WWP2: variants seen among roughly 807,000 people sequenced by gnomAD.
WWP2 encodes the protein WW domain containing E3 ubiquitin protein ligase 2, also known as NEDD4-like E3 ubiquitin-protein ligase WWP2.
WWP2 carries 57 observed loss-of-function variants against 121.0 expected under a neutral mutation model. The ratio of observed to expected loss-of-function variants is 0.47; its 90% CI spans 0.38 to 0.59. WWP2 has a LOEUF of 0.59. Ranked by LOEUF, WWP2 falls within the 20% of genes least tolerant of loss-of-function variation. The pLI is 0.00. For missense variants in WWP2, 962 were observed against 1,158.9 expected (o/e 0.83, Z 2.47); for synonymous variants, 449 against 441.3 (o/e 1.02, Z -0.22).
At chr16:69,814,478 C>T (rs568358635) in intron 4 of WWP2, among the ~76,000 whole-genome samples, 2 of 152,184 alleles carry the variant, frequency 1.3e-5, no homozygotes, top group African/African-American at 2.4e-5. Flanking sequence ...TCCTTCACAT[C>T]TGTAATGCAC....
Position 69,871,892 on chromosome 16 carries a change from G to A in WWP2, c.664G>A (p.Val222Ile), listed in dbSNP as rs755244675. 27 of 1,613,936 alleles carry A rather than the reference G, an allele frequency of 1.7e-5. No individual in the cohort carries two copies. The highest frequency in any genetic ancestry group is 2.2e-5 in the Non-Finnish European group (26 of 1,180,024). Residue 222 changes from valine to isoleucine, a missense_variant, in exon 7 of 24, where the codon GTC (valine) becomes ATC (isoleucine). Physicochemically the swap from Val to Ile is conservative, Grantham distance 29. This residue lies in a region of WWP2 where 211 missense variants were observed against 196.5 expected (regional missense o/e 1.07). Coordinates refer to ENST00000359154, the MANE Select transcript of WWP2 (RefSeq NM_001270454.2). ...TGCTCGGAGCCGGCACCGCCAGCCC[G>A]TCAAGAACTCAGGCCACAGTGGCTT... ...PGARSRHRQPVKNSGHSGLAN... is the reference protein window; with the variant it reads ...PGARSRHRQPIKNSGHSGLAN...
At chr16:69,772,936 G>A (rs1014019099) in intron 1 of WWP2, among the ~76,000 whole-genome samples, 5 of 151,994 alleles carry the variant, frequency 3.3e-5, no homozygotes, top group Non-Finnish European at 7.4e-5. Flanking sequence ...TGCTGTTTCC[G>A]TTGTGTTTTT....
At chr16:69,934,380 A>G (rs2058764622) in intron 17 of WWP2, among the ~76,000 whole-genome samples, 1 of 152,052 alleles carries the variant, frequency 6.6e-6, no homozygotes, top group African/African-American at 2.4e-5. Flanking sequence ...TAAAAATGCA[A>G]GAAGCTAGAG....
chr16:69,937,699 C>G lies in WWP2; in HGVS notation c.2343+47C>G, dbSNP rs762964811. 2 of 1,596,504 alleles carry G rather than the reference C, an allele frequency of 1.3e-6. No individual in the cohort carries two copies. The highest frequency in any genetic ancestry group is 1.7e-6 in the Non-Finnish European group (2 of 1,166,014). ...TGGCAGGGACATTTGGGCCATCAAC[C>G]AAAGGAAACGGGTCCTGAGGAGGCC... On this transcript the variant is annotated intron_variant, in intron 21 of 23. Transcript: ENST00000359154. This position sits in a 1 kb window ranked among gnomAD's most constrained non-coding sequence, Gnocchi z 6.6.
intron 9 of WWP2, chr16:69,909,142 T>G (rs2058344447): frequency 2.8e-6 from 3 of 1,084,068 alleles, no homozygotes; most frequent in African/African-American, 1.6e-5. Context: ...GCAGAGTGCT[T>G]CTTATTCGGC....
chr16:69,906,333 C>A (rs915972021), intron 8 of WWP2, among the ~76,000 whole-genome samples: 3 of 152,056 alleles, frequency 2.0e-5, no homozygotes, highest in Non-Finnish European at 4.4e-5. Flanking sequence ...TGGCCTCCCA[C>A]AGTGCTGGGA....
At chr16:69,867,730 G>C (rs2057553910) in intron 6 of WWP2, among the ~76,000 whole-genome samples, 1 of 152,214 alleles carries the variant, frequency 6.6e-6, no homozygotes, top group South Asian at 2.1e-4. Context: ...AAAGAGAGCT[G>C]AATTTCTGTA....
intron 9 of WWP2, among the ~76,000 whole-genome samples, chr16:69,911,937 C>T (rs1567426249): frequency 6.6e-6 from 1 of 152,096 alleles, no homozygotes; most frequent in African/African-American, 2.4e-5. Flanking sequence ...GGCTGATGTG[C>T]ACCATGGGGC....
intron 4 of WWP2, among the ~76,000 whole-genome samples, 158 bp from the exon 5 acceptor site, chr16:69,839,968 C>T (rs965553024): frequency 6.6e-6 from 1 of 152,258 alleles, no homozygotes; most frequent in African/African-American, 2.4e-5. Context: ...CATATTCCTT[C>T]CCACTCTTTT....
intron 7 of WWP2, among the ~76,000 whole-genome samples, chr16:69,877,516 T>TTTTACTTTCTTA (rs2057754851): frequency 2.0e-5 from 3 of 152,334 alleles, no homozygotes; most frequent in African/African-American, 7.2e-5. Context: ...CACTCAAGTG[T>TTTTACTTTCTTA]TCATCAGAGT....
At chr16:69,899,692 A>T (rs190725065) in intron 8 of WWP2, among the ~76,000 whole-genome samples, 1 of 127,842 alleles carries the variant, frequency 7.8e-6, no homozygotes, top group Admixed American at 1.0e-4. Flanking sequence ...GTACCACTGC[A>T]CTCCAGCCTG....
intron 8 of WWP2, among the ~76,000 whole-genome samples, chr16:69,894,810 A>G (rs2058083422): frequency 6.6e-6 from 1 of 152,160 alleles, no homozygotes; most frequent in African/African-American, 2.4e-5. Flanking sequence ...ATAAACTCCA[A>G]GTGTGTCCCT....
intron 4 of WWP2, among the ~76,000 whole-genome samples, chr16:69,837,164 A>G (rs984710804): frequency 1.3e-5 from 2 of 149,632 alleles, no homozygotes; most frequent in Non-Finnish European, 3.0e-5. Flanking sequence ...GACTCAAGCA[A>G]TCCATCCTCC....
intron 4 of WWP2, among the ~76,000 whole-genome samples, chr16:69,834,293 C>G (rs746104481): frequency 1.3e-5 from 2 of 152,150 alleles, no homozygotes; most frequent in South Asian, 2.1e-4. Flanking sequence ...TGCTCTCTCA[C>G]CTAGCACCTC....
At position 69,937,499 on chromosome 16, in the gene WWP2, A is replaced by C; in HGVS notation, c.2239-49A>C. 6.3e-7 allele frequency: 1 copy of C among 1,592,448 alleles called. No homozygotes were observed. The highest frequency in any genetic ancestry group is 8.6e-7 in the Non-Finnish European group (1 of 1,161,142). Reference sequence around the variant, plus strand: ...AATGTCAAGTGCTAGCGAGTGGACGATGCGCGGGGAGGGACCTGCCGGGGA... The same window carrying C: ...AATGTCAAGTGCTAGCGAGTGGACGCTGCGCGGGGAGGGACCTGCCGGGGA... On this transcript the variant is annotated intron_variant, in intron 20 of 23. Transcript: ENST00000359154. This position sits in a 1 kb window ranked among gnomAD's most constrained non-coding sequence, Gnocchi z 6.6.
At chr16:69,819,968 A>C (rs951455083) in intron 4 of WWP2, among the ~76,000 whole-genome samples, 2 of 152,210 alleles carry the variant, frequency 1.3e-5, no homozygotes, top group African/African-American at 4.8e-5. Flanking sequence ...AGCTGGGCAC[A>C]GTGGCTCATG....
At chr16:69,883,398 G>GTGCACA (rs1555499682) in intron 7 of WWP2, among the ~76,000 whole-genome samples, 1 of 96,166 alleles carries the variant, frequency 1.0e-5, no homozygotes, top group Non-Finnish European at 2.0e-5. Flanking sequence ...CTAAGAATGT[G>GTGCACA]CGCACACACA....
chr16:69,820,166 G>A (rs1054252944), intron 4 of WWP2, among the ~76,000 whole-genome samples: 9 of 152,176 alleles, frequency 5.9e-5, no homozygotes, highest in African/African-American at 1.4e-4. Flanking sequence ...TTTGGTGGTC[G>A]AGGATGCAGT....
At chr16:69,873,526 C>T (rs2057680986) in intron 7 of WWP2, among the ~76,000 whole-genome samples, 2 of 152,360 alleles carry the variant, frequency 1.3e-5, no homozygotes, top group African/African-American at 4.8e-5. Flanking sequence ...GCCCCTGTGC[C>T]ACCCACTGTA....
Sources: gnomAD v4.1 joint callset for allele counts (sites outside exome capture counted in the v4.1 genomes callset) on GRCh38, gnomAD v4.1.1 for gene constraint, gnomAD v4.1.1 regional missense constraint, Gnocchi (gnomAD v3.1) non-coding constraint, MANE v1.5 for transcripts, NCBI Gene and HGNC (gene_info 2026-07-23, HGNC 2026-07-21) for gene names.